Variants in MGARP observed in about 807,000 individuals in gnomAD.
MGARP encodes the protein protein MGARP.
Under a neutral mutation model 11.0 loss-of-function variants are expected in MGARP, and 12 were observed. That is an observed-to-expected ratio of 1.09 (90% CI 0.70 to 1.77). The LOEUF is 1.77. Ranked by LOEUF, MGARP falls within the 40% of genes most tolerant of loss-of-function variation. The pLI, the probability that MGARP is intolerant of heterozygous loss-of-function variation, is 0.00. For missense variants in MGARP, 283 were observed against 297.8 expected (o/e 0.95, Z 0.36); for synonymous variants, 110 against 115.4 (o/e 0.95, Z 0.30).
rs751841624 is a variant in MGARP, at chr4:139,266,616, C to G, written c.706G>C (p.Ala236Pro). The part of the protein sequence containing the change: ...QEEASVGSEA[A>P]SAQG ...GCTGGAGATTAGCCTTGAGCCGAAG[C>G]AGCCTCAGAGCCAACACTGGCTTCC... The change falls in exon 4 of 4, where the codon GCT becomes CCT. Residue 236 changes from alanine (A) to proline (P), a missense_variant. Transcript: ENST00000398955. The G allele has an allele frequency of 2.0e-5, 33 of 1,612,854 alleles. No homozygotes were observed. Among genetic ancestry groups the G allele is most frequent in the Non-Finnish European group, 2.7e-5 (32 of 1,179,548 alleles).
intron 2 of MGARP, among the ~76,000 whole-genome samples, chr4:139,273,510 C>CTTTTTT (rs1000327890): frequency 2.4e-5 from 3 of 123,644 alleles, no homozygotes; most frequent in Non-Finnish European, 3.5e-5. Context: ...TACTTTTATT[C>CTTTTTT]TTTTTTTTTT....
intron 2 of MGARP, among the ~76,000 whole-genome samples, chr4:139,271,458 G>A (rs372981756): frequency 2.0e-5 from 3 of 152,102 alleles, no homozygotes; most frequent in East Asian, 1.9e-4. Flanking sequence ...CCCGGGAGGC[G>A]GAGGTTGCAG....
At chr4:139,268,788 G>A (rs1429510288) in intron 2 of MGARP, 23 bp from the exon 3 acceptor site, 1 of 1,554,428 alleles carries the variant, frequency 6.4e-7, no homozygotes, top group East Asian at 2.3e-5. Context: ...GTATGCTTAG[G>A]TTTATTTCTT....
intron 1 of MGARP, among the ~76,000 whole-genome samples, chr4:139,279,473 G>T (rs1744921810): frequency 6.6e-6 from 1 of 152,158 alleles, no homozygotes; most frequent in Non-Finnish European, 1.5e-5. Flanking sequence ...CTTCCTTTTT[G>T]GGGGTTGTGG....
At chr4:139,273,475 G>C (rs1173407270) in intron 2 of MGARP, among the ~76,000 whole-genome samples, 4 of 150,540 alleles carry the variant, frequency 2.7e-5, no homozygotes, top group African/African-American at 9.8e-5. Context: ...CAAAGTGCTG[G>C]GATTACAGGC....
chr4:139,273,212 CT>C (rs2110731974), intron 2 of MGARP, among the ~76,000 whole-genome samples: 1 of 151,882 alleles, frequency 6.6e-6, no homozygotes, highest in East Asian at 1.9e-4. Flanking sequence ...TACTTTTATT[CT>C]TTTTTATTTA....
At chr4:139,275,550 T>G (rs1255209112) in intron 1 of MGARP, among the ~76,000 whole-genome samples, 158 bp from the exon 2 acceptor site, 1 of 152,236 alleles carries the variant, frequency 6.6e-6, no homozygotes, top group Non-Finnish European at 1.5e-5. Context: ...GGCTGGGTAA[T>G]AATTCCACTT....
Position 139,277,867 on chromosome 4 carries a change from A to AT in MGARP, c.82+2209dup, listed in dbSNP as rs532831440. Among the ~76,000 whole-genome samples the AT allele has an allele frequency of 1.0e-3, 158 of 152,242 alleles. 1 individual carries two copies. Among genetic ancestry groups the AT allele is most frequent in the African/African-American group, 3.8e-3 (156 of 41,548 alleles). The stretch of plus-strand genomic sequence containing the variant: ...AGTGGTAGGATTACAGGTGAATTCC[A>AT]TTTTTTATTTTACCTGTTTTTCCCC... On this transcript the variant is annotated intron_variant, in intron 1 of 3. Transcript: ENST00000398955.
At chr4:139,277,346 A>C (rs978322115) in intron 1 of MGARP, among the ~76,000 whole-genome samples, 1 of 152,028 alleles carries the variant, frequency 6.6e-6, no homozygotes, top group Non-Finnish European at 1.5e-5. Context: ...TTGGAAAAAA[A>C]TTTTTTTCCT....
Position 139,267,024 on chromosome 4 carries a change from C to T in MGARP, c.298G>A (p.Ala100Thr). ...HPFQGEKENV[A>T]ETEKASSEAP... ...TCTGAACTTGCTTTCTCAGTTTCCG[C>T]AACATTCTCCTTTTCACCTTTAAGA... is the stretch of plus-strand genomic sequence containing the variant. The change falls in exon 4 of 4, where the codon GCG becomes ACG. Residue 100 changes from alanine (A) to threonine (T), a missense_variant. Physicochemically the swap from Ala to Thr is moderately conservative, Grantham distance 58. Transcript: ENST00000398955. 2 of 1,613,304 alleles carry T rather than the reference C, an allele frequency of 1.2e-6. No homozygotes were observed. The highest frequency in any genetic ancestry group is 1.7e-6 in the Non-Finnish European group (2 of 1,179,576).
intron 3 of MGARP, among the ~76,000 whole-genome samples, chr4:139,267,803 G>GA (rs1263836249): frequency 6.6e-6 from 1 of 151,982 alleles, no homozygotes; most frequent in Non-Finnish European, 1.5e-5. Context: ...TAATAGCTTG[G>GA]AAAAAAGTAT....
intron 2 of MGARP, among the ~76,000 whole-genome samples, chr4:139,274,386 G>A (rs1263197409): frequency 6.6e-6 from 1 of 151,830 alleles, no homozygotes; most frequent in Non-Finnish European, 1.5e-5. Flanking sequence ...GGGGTGTGAG[G>A]GGTTATATGG....
chr4:139,270,787 G>A (rs1744768646), intron 2 of MGARP, among the ~76,000 whole-genome samples: 1 of 152,036 alleles, frequency 6.6e-6, no homozygotes, highest in Admixed American at 6.6e-5. Context: ...CTGTATAAAA[G>A]CAAGGAATAT....
chr4:139,267,460 G>A (rs775991747), intron 3 of MGARP, among the ~76,000 whole-genome samples: 10 of 152,152 alleles, frequency 6.6e-5, no homozygotes, highest in Non-Finnish European at 1.5e-4. Context: ...CCTTTCATAT[G>A]AGACAGCATG....
intron 3 of MGARP, 113 bp from the exon 4 acceptor site, chr4:139,267,154 G>T: frequency 2.0e-6 from 2 of 995,324 alleles, no homozygotes; most frequent in African/African-American, 1.6e-5. Flanking sequence ...ATGTGTAACA[G>T]TCTTCAAGGT....
chr4:139,274,078 CTG>C (rs1013111251), intron 2 of MGARP, among the ~76,000 whole-genome samples: 8 of 151,922 alleles, frequency 5.3e-5, no homozygotes, highest in Non-Finnish European at 1.0e-4. Context: ...AATAATAAAA[CTG>C]TGTGAAAATT....
intron 2 of MGARP, among the ~76,000 whole-genome samples, chr4:139,270,806 T>C (rs1194267273): frequency 2.6e-5 from 4 of 152,030 alleles, no homozygotes; most frequent in Non-Finnish European, 5.9e-5. Flanking sequence ...ATTTTCCGAG[T>C]AGGGTGTGTG....
At chr4:139,270,295 T>C (rs1389687004) in intron 2 of MGARP, among the ~76,000 whole-genome samples, 3 of 125,014 alleles carry the variant, frequency 2.4e-5, no homozygotes, top group Non-Finnish European at 3.3e-5. Flanking sequence ...GGAAACTCCG[T>C]CTCAAAAAAA....
At chr4:139,277,358 C>G (rs1174433803) in intron 1 of MGARP, among the ~76,000 whole-genome samples, 3 of 152,060 alleles carry the variant, frequency 2.0e-5, no homozygotes, top group Non-Finnish European at 1.5e-5. Context: ...TTTTTTCCTT[C>G]TAATGTGCCC....
Sources: allele counts gnomAD v4.1 joint callset (sites outside exome capture counted in the v4.1 genomes callset), GRCh38; gene constraint gnomAD v4.1.1; transcripts MANE v1.5; gene names NCBI Gene and HGNC (gene_info 2026-07-23, HGNC 2026-07-21).